Variants in UGT1A10 observed in about 807,000 individuals in gnomAD.
UGT1A10 encodes the protein UDP-glucuronosyltransferase 1A10.
Under a neutral mutation model 45.8 loss-of-function variants are expected in UGT1A10, and 49 were observed. That is an observed-to-expected ratio of 1.07 (90% CI 0.85 to 1.36). The LOEUF is 1.36. UGT1A10 is among the 40% of genes most tolerant of loss of function. The pLI is 0.00. For missense variants in UGT1A10, 745 were observed against 668.6 expected (o/e 1.11, Z -1.26); for synonymous variants, 284 against 249.7 (o/e 1.14, Z -1.29).
chr2:233,754,737 G>A lies in UGT1A10; in HGVS notation c.856-12297G>A, dbSNP rs1218911837. 3 of 665,250 alleles carry A rather than the reference G, an allele frequency of 4.5e-6. No homozygotes were observed. In the East Asian group the frequency reaches 2.0e-4, roughly 44 times the overall value. The allele number at this position is 665,250 out of a possible 1,614,324, so 41.2% of individuals were successfully genotyped here. A position where few individuals can be genotyped will look rare whatever the true frequency, so the allele number is the denominator to read the frequency against. On this transcript the variant is annotated intron_variant, in intron 1 of 4. Transcript: ENST00000344644. Reference sequence around the variant, plus strand: ...GCTGCCTGTCCCATCACTACCGTAGGACATGCAGAAGGAAGAAAGGCCCCC... The same window carrying A: ...GCTGCCTGTCCCATCACTACCGTAGAACATGCAGAAGGAAGAAAGGCCCCC...
rs1270909103 is a variant in UGT1A10, at chr2:233,767,175, T to G, written c.987+10T>G. On this transcript the variant is annotated intron_variant, in intron 2 of 4. Transcript: ENST00000344644. Reference sequence around the variant, plus strand: ...CAAAATCCCTCAGACAGTAAGAAGATTCTATACCATGGCCTCATATCTATT... The same window carrying G: ...CAAAATCCCTCAGACAGTAAGAAGAGTCTATACCATGGCCTCATATCTATT... The G allele has an allele frequency of 1.4e-5, 22 of 1,613,924 alleles. No individual in the cohort carries two copies. The highest frequency in any genetic ancestry group is 1.9e-5 in the Non-Finnish European group (22 of 1,180,010).
intron 1 of UGT1A10, among the ~76,000 whole-genome samples, chr2:233,722,279 AT>A (rs1210405626): frequency 6.6e-6 from 1 of 152,090 alleles, no homozygotes; most frequent in Non-Finnish European, 1.5e-5. Flanking sequence ...TATTACATTG[AT>A]TTCCTTTGTT....
intron 1 of UGT1A10, among the ~76,000 whole-genome samples, chr2:233,709,629 A>G (rs2076085542): frequency 6.6e-6 from 1 of 152,194 alleles, no homozygotes; most frequent in South Asian, 2.1e-4. Context: ...TTTTGCTGTG[A>G]GTGTTTCTTG....
chr2:233,645,359 C>G (rs540432709), intron 1 of UGT1A10, among the ~76,000 whole-genome samples: 1 of 152,240 alleles, frequency 6.6e-6, no homozygotes, highest in South Asian at 2.1e-4. Flanking sequence ...TGGTCCCTCC[C>G]AAATCTCATG....
chr2:233,651,064 T>C (rs1282224580), intron 1 of UGT1A10, among the ~76,000 whole-genome samples: 1 of 152,210 alleles, frequency 6.6e-6, no homozygotes, highest in African/African-American at 2.4e-5. Context: ...ACAGGAAGAC[T>C]ACAGTTTTAG....
At position 233,700,867 on chromosome 2, in the gene UGT1A10, C is replaced by A. The variant is rs971203472; in HGVS notation, c.855+63490C>A. ...AGGTATATCTCCTAATGCTATCCCT[C>A]CCTCCTCCCCCCACCCCACAACAGT... is the stretch of plus-strand genomic sequence containing the variant. On this transcript the variant is annotated intron_variant, in intron 1 of 4. Coordinates refer to ENST00000344644, the MANE Select transcript of UGT1A10 (RefSeq NM_019075.4). Among the ~76,000 whole-genome samples, 16 of 151,914 alleles carry A rather than the reference C, an allele frequency of 1.1e-4. No individual in the cohort carries two copies. The East Asian group carries it at 2.7e-3, about 26-fold the overall frequency.
chr2:233,735,091 A>T (rs4477910), intron 1 of UGT1A10, among the ~76,000 whole-genome samples: 69,276 of 151,834 alleles, frequency 0.46, 17,201 homozygotes, highest in African/African-American at 0.66. Context: ...GTCTTGTTGA[A>T]CTGTCTAATA....
intron 1 of UGT1A10, among the ~76,000 whole-genome samples, chr2:233,697,886 A>G (rs2075415828): frequency 6.6e-6 from 1 of 152,190 alleles, no homozygotes; most frequent in Non-Finnish European, 1.5e-5. Flanking sequence ...CTTACCATTG[A>G]TTGAATCAAA....
intron 1 of UGT1A10, chr2:233,648,457 T>A (rs1322647760): frequency 1.9e-5 from 3 of 157,120 alleles, no homozygotes; most frequent in African/African-American, 4.8e-5. Context: ...TTATTATTAT[T>A]TTTATTTATT....
chr2:233,767,623 T>C (rs188657722), intron 2 of UGT1A10, among the ~76,000 whole-genome samples: 5 of 152,322 alleles, frequency 3.3e-5, no homozygotes, highest in African/African-American at 1.2e-4. Flanking sequence ...GTGCACAGCT[T>C]GATAAATTAT....
intron 1 of UGT1A10, among the ~76,000 whole-genome samples, chr2:233,758,114 C>T (rs192892910): frequency 7.9e-5 from 12 of 152,298 alleles, no homozygotes; most frequent in South Asian, 2.1e-4. Context: ...AGGGCTCACA[C>T]GTTCCATAAA....
intron 1 of UGT1A10, among the ~76,000 whole-genome samples, chr2:233,646,443 A>G (rs1184963248): frequency 1.3e-5 from 2 of 152,084 alleles, no homozygotes; most frequent in Non-Finnish European, 2.9e-5. Context: ...CAGGCTGCAA[A>G]TTTTCCAAAC....
At chr2:233,716,520 C>G (rs2076508094) in intron 1 of UGT1A10, among the ~76,000 whole-genome samples, 1 of 152,162 alleles carries the variant, frequency 6.6e-6, no homozygotes, top group Non-Finnish European at 1.5e-5. Flanking sequence ...CTCAGCTTAC[C>G]ATTCAATTAT....
chr2:233,757,111 A>C (rs13404099), intron 1 of UGT1A10, among the ~76,000 whole-genome samples: 1 of 151,320 alleles, frequency 6.6e-6, no homozygotes, highest in East Asian at 2.0e-4. Context: ...GGCAAGCAGA[A>C]GGGCTAGAGA....
chr2:233,647,856 A>G, intron 1 of UGT1A10: 1 of 1,305,334 alleles, frequency 7.7e-7, no homozygotes, highest in Non-Finnish European at 1.0e-6. Context: ...GGTTTTCTCC[A>G]TTGTTTTTCT....
chr2:233,764,455 C>T (rs1040568062), intron 1 of UGT1A10, among the ~76,000 whole-genome samples: 13 of 152,170 alleles, frequency 8.5e-5, no homozygotes, highest in African/African-American at 2.7e-4. Context: ...TTTAAACTTT[C>T]GTGATCTCCT....
At chr2:233,696,453 T>A (rs1380414494) in intron 1 of UGT1A10, among the ~76,000 whole-genome samples, 1 of 152,248 alleles carries the variant, frequency 6.6e-6, no homozygotes, top group East Asian at 1.9e-4. Flanking sequence ...TAAATGCTAC[T>A]GATTTTTGTA....
At chr2:233,712,199 C>G (rs923606467) in intron 1 of UGT1A10, among the ~76,000 whole-genome samples, 3 of 152,228 alleles carry the variant, frequency 2.0e-5, no homozygotes, top group Non-Finnish European at 2.9e-5. Context: ...CCCCCGGTCC[C>G]TTGGTGAGCA....
chr2:233,725,771 TTTG>T (rs1358189375), intron 1 of UGT1A10, among the ~76,000 whole-genome samples: 1 of 152,264 alleles, frequency 6.6e-6, no homozygotes, highest in Admixed American at 6.5e-5. Flanking sequence ...CTTCACATAG[TTTG>T]TTGTTATCAT....
Sources: gnomAD v4.1 joint callset for allele counts (sites outside exome capture counted in the v4.1 genomes callset) on GRCh38, gnomAD v4.1.1 for gene constraint, MANE v1.5 for transcripts, NCBI Gene and HGNC (gene_info 2026-07-23, HGNC 2026-07-21) for gene names.